PDGFRL: variants seen among roughly 807,000 people sequenced by gnomAD.
The protein encoded by PDGFRL is platelet-derived growth factor receptor-like protein.
In PDGFRL, 46 loss-of-function variants were observed where a neutral mutation model predicts 37.2. The ratio of observed to expected loss-of-function variants is 1.24; its 90% CI spans 0.98 to 1.58. PDGFRL has a LOEUF of 1.58. Among genes scored for constraint, PDGFRL ranks in the 40% most tolerant of loss-of-function variants. The probability of loss-of-function intolerance (pLI) is 0.00; values close to 1 mark genes in which losing one functional copy is unlikely to be tolerated. For synonymous variants in PDGFRL, 251 were observed against 184.3 expected (o/e 1.36, Z -2.93); for missense variants, 692 against 467.6 (o/e 1.48, Z -4.43).
rs1805182779 is a variant in PDGFRL, at chr8:17,642,987, T to G, written c.*186T>G. On this transcript the variant is annotated 3_prime_UTR_variant, in exon 6 of 6. Coordinates refer to ENST00000251630, the MANE Select transcript of PDGFRL (RefSeq NM_001372073.1). The stretch of plus-strand genomic sequence containing the variant: ...GTCATCCAGTCTATTCACAGAAGTG[T>G]TAACTTTTCTAACAGAAAGCATGAT... 1.9e-6 allele frequency: 1 copy of G among 517,368 alleles called. No individual in the cohort carries two copies. The highest frequency in any genetic ancestry group is 1.9e-5 in the African/African-American group (1 of 51,482). The allele number at this position is 517,368 out of a possible 1,614,324, so 32.0% of individuals were successfully genotyped here. A position where few individuals can be genotyped will look rare whatever the true frequency, so the allele number is the denominator to read the frequency against.
chr8:17,625,788 A>C (rs1235080727), intron 3 of PDGFRL, among the ~76,000 whole-genome samples: 1 of 152,184 alleles, frequency 6.6e-6, no homozygotes, highest in Non-Finnish European at 1.5e-5. Flanking sequence ...CAGGAGTTTG[A>C]GACCAGCCTG....
chr8:17,608,875 G>A (rs11776059), intron 2 of PDGFRL, among the ~76,000 whole-genome samples: 32,331 of 151,964 alleles, frequency 0.21, 3,706 homozygotes, highest in South Asian at 0.36. Flanking sequence ...GTGATGACCT[G>A]ATTGTTGGAG....
Position 17,621,039 on chromosome 8 carries a change from T to C in PDGFRL, c.354-12T>C. Reference sequence around the variant, plus strand: ...CTGACTTGCTTTGAGTTCATGTGTCTTTTATTCCTAGCGTCAAGCAGAATG... The same window carrying C: ...CTGACTTGCTTTGAGTTCATGTGTCCTTTATTCCTAGCGTCAAGCAGAATG... On this transcript the variant is annotated splice_polypyrimidine_tract_variant and intron_variant, in intron 2 of 5. Coordinates refer to ENST00000251630, the MANE Select transcript of PDGFRL (RefSeq NM_001372073.1). The C allele has an allele frequency of 6.3e-7, 1 of 1,587,242 alleles. No homozygotes were observed. The highest frequency in any genetic ancestry group is 1.3e-5 in the African/African-American group (1 of 74,328).
intron 2 of PDGFRL, chr8:17,596,519 G>C (rs964772110): frequency 2.8e-5 from 10 of 358,836 alleles, no homozygotes; most frequent in African/African-American, 2.1e-4. Flanking sequence ...TAAGCTTAGA[G>C]GATTCCATGC....
At chr8:17,621,950 G>C (rs540534989) in intron 3 of PDGFRL, among the ~76,000 whole-genome samples, 15 of 152,282 alleles carry the variant, frequency 9.9e-5, no homozygotes, top group African/African-American at 3.6e-4. Context: ...TGTAGTTACA[G>C]GCATGAGCCA....
At chr8:17,598,691 C>G (rs1804103366) in intron 2 of PDGFRL, among the ~76,000 whole-genome samples, 1 of 152,178 alleles carries the variant, frequency 6.6e-6, no homozygotes, top group Non-Finnish European at 1.5e-5. Context: ...TATGGTTTGG[C>G]TGTTTCCCCT....
intron 2 of PDGFRL, among the ~76,000 whole-genome samples, chr8:17,606,812 G>A (rs1354178083): frequency 6.6e-6 from 1 of 151,976 alleles, no homozygotes; most frequent in South Asian, 2.1e-4. Flanking sequence ...CCTAAATATC[G>A]GTGAGCTATT....
intron 1 of PDGFRL, among the ~76,000 whole-genome samples, chr8:17,579,837 G>A (rs1324135756): frequency 6.6e-6 from 1 of 152,000 alleles, no homozygotes; most frequent in African/African-American, 2.4e-5. Context: ...AGCTGGAAAG[G>A]CACATAATAC....
At chr8:17,640,841 G>T (rs1272540979) in intron 5 of PDGFRL, among the ~76,000 whole-genome samples, 1 of 152,072 alleles carries the variant, frequency 6.6e-6, no homozygotes. Context: ...GCTCCCAAGA[G>T]ATTATGTCCT....
intron 2 of PDGFRL, among the ~76,000 whole-genome samples, chr8:17,590,272 A>T (rs1803909409): frequency 6.7e-6 from 1 of 149,646 alleles, no homozygotes; most frequent in South Asian, 2.1e-4. Flanking sequence ...AATCCTACCA[A>T]CATTTGCTGA....
chr8:17,577,462 C>G (rs1360890860), intron 1 of PDGFRL, among the ~76,000 whole-genome samples, 155 bp downstream of exon 1: 1 of 152,014 alleles, frequency 6.6e-6, no homozygotes, highest in Non-Finnish European at 1.5e-5. Context: ...CTGCCCCCTC[C>G]TGGTGGGGTC....
intron 2 of PDGFRL, among the ~76,000 whole-genome samples, chr8:17,601,916 G>C (rs1489868108): frequency 3.3e-5 from 5 of 152,132 alleles, no homozygotes; most frequent in Non-Finnish European, 4.4e-5. Flanking sequence ...TGTGACTAGT[G>C]CTGCATGAAC....
chr8:17,640,593 T>C (rs568156492), intron 5 of PDGFRL, among the ~76,000 whole-genome samples: 1 of 152,264 alleles, frequency 6.6e-6, no homozygotes, highest in Non-Finnish European at 1.5e-5. Context: ...TCTGGGCTGG[T>C]ACTTAGTGGT....
intron 2 of PDGFRL, among the ~76,000 whole-genome samples, chr8:17,612,886 ATTT>A (rs1203042568): frequency 6.6e-6 from 1 of 152,146 alleles, no homozygotes; most frequent in African/African-American, 2.4e-5. Flanking sequence ...TGTTGTGAAT[ATTT>A]TTTATGTGTA....
intron 1 of PDGFRL, among the ~76,000 whole-genome samples, chr8:17,586,859 C>G (rs1374459932): frequency 6.6e-6 from 1 of 152,190 alleles, no homozygotes; most frequent in Admixed American, 6.5e-5. Context: ...AGTGGCAGGC[C>G]TGGACCTGAA....
At chr8:17,611,138 T>A (rs1304101896) in intron 2 of PDGFRL, among the ~76,000 whole-genome samples, 1 of 152,220 alleles carries the variant, frequency 6.6e-6, no homozygotes, top group East Asian at 1.9e-4. Flanking sequence ...CATTCCCAGC[T>A]CTGCCTCTAG....
chr8:17,603,233 C>G (rs1473865868), intron 2 of PDGFRL, among the ~76,000 whole-genome samples: 1 of 152,182 alleles, frequency 6.6e-6, no homozygotes, highest in Non-Finnish European at 1.5e-5. Flanking sequence ...ATCCACCCAC[C>G]ACCTGGGCCT....
chr8:17,606,586 G>A lies in PDGFRL; in HGVS notation c.354-14465G>A, dbSNP rs185667113. 5.6e-4 allele frequency among the ~76,000 whole-genome samples: 85 copies of A among 152,314 alleles called. No homozygotes were observed. The East Asian group carries it at 0.012, about 22-fold the overall frequency. ...CACTGGCACCAGCTGCAGGCCCTCCGTATTTCCCCAGAGATGGGTGGGTGG... is the reference window on the plus strand; with the variant it reads ...CACTGGCACCAGCTGCAGGCCCTCCATATTTCCCCAGAGATGGGTGGGTGG... On this transcript the variant is annotated intron_variant, in intron 2 of 5. Transcript: ENST00000251630.
Position 17,642,773 on chromosome 8 carries a change from C to A in PDGFRL, c.1100C>A (p.Thr367Lys). 2 of 1,608,926 alleles carry A rather than the reference C, an allele frequency of 1.2e-6. 1 individual carries two copies. The change falls in exon 6 of 6, where the codon ACA becomes AAA. Residue 367 changes from threonine to lysine, a missense_variant. By Grantham distance (78) the Thr-to-Lys change is moderately conservative (BLOSUM62 -1). Transcript: ENST00000251630. Reference sequence around the variant, plus strand: ...GCTCAGAATCTTCAAGGACAGACCACAGTAGCTACCACTGTTGAGTTTTCC... The same window carrying A: ...GCTCAGAATCTTCAAGGACAGACCAAAGTAGCTACCACTGTTGAGTTTTCC... ...CTAQNLQGQTTVATTVEFS is the reference protein window; with the variant it reads ...CTAQNLQGQTKVATTVEFS
Sources: allele counts gnomAD v4.1 joint callset (sites outside exome capture counted in the v4.1 genomes callset), GRCh38; gene constraint gnomAD v4.1.1; transcripts MANE v1.5; gene names NCBI Gene and HGNC (gene_info 2026-07-23, HGNC 2026-07-21).